RASSF8: variants seen among roughly 807,000 people sequenced by gnomAD.
RASSF8 encodes Ras association domain family member 8.
Under a neutral mutation model 48.5 loss-of-function variants are expected in RASSF8, and 22 were observed. The observed-to-expected ratio is 0.45, with a 90% CI of 0.32 to 0.65. RASSF8 has a LOEUF of 0.65. RASSF8 is among the 30% of genes least tolerant of loss of function. The probability of loss-of-function intolerance (pLI) is 0.03; values close to 1 mark genes in which losing one functional copy is unlikely to be tolerated. For synonymous variants in RASSF8, 127 were observed against 171.5 expected, an observed-to-expected ratio of 0.74 and a Z score of 2.03; for missense variants, 418 against 489.2, an observed-to-expected ratio of 0.85 and a Z score of 1.37.
rs11369240 is a variant in RASSF8 at position 26,015,206 on chromosome 12, CA to C, written c.-109+20091del. Reference sequence around the variant, plus strand: ...TGGGTGACAGAATGAGATCCCGTCTCAAAAAAAAAAAAAAATCCATATATGG... The same window carrying C: ...TGGGTGACAGAATGAGATCCCGTCTCAAAAAAAAAAAAAATCCATATATGG... On this transcript the variant is annotated intron_variant, in intron 2 of 5. Transcript: ENST00000689635. Among the ~76,000 whole-genome samples, 604 of 133,058 alleles carry C rather than the reference CA, an allele frequency of 4.5e-3. 3 individuals are homozygous for C. Among genetic ancestry groups the C allele is most frequent in the African/African-American group, 0.012 (419 of 34,622 alleles). 87.3% of individuals were successfully genotyped at this position (133,058 alleles called of 152,430 possible).
At position 26,012,866 on chromosome 12, in the gene RASSF8, G is replaced by T. The variant is rs1346325674; in HGVS notation, c.-109+17736G>T. On this transcript the variant is annotated intron_variant, in intron 2 of 5. Transcript: ENST00000689635. ...ATTTTTAAATTTTTTTGTAAAGACG[G>T]AGTCTCACTTTGTTGCCCAGGCTGG... Among the ~76,000 whole-genome samples the T allele has an allele frequency of 2.0e-5, 3 of 151,904 alleles. No homozygotes were observed. In the East Asian group the frequency reaches 5.8e-4, roughly 29 times the overall value.
chr12:26,003,288 A>G (rs1312039449), intron 2 of RASSF8, among the ~76,000 whole-genome samples: 1 of 152,238 alleles, frequency 6.6e-6, no homozygotes, highest in Admixed American at 6.5e-5. Flanking sequence ...CCATCCTTGC[A>G]TGCCTGATAT....
intron 2 of RASSF8, among the ~76,000 whole-genome samples, chr12:26,017,385 T>A (rs1325728267): frequency 6.6e-6 from 1 of 152,034 alleles, no homozygotes; most frequent in Non-Finnish European, 1.5e-5. Context: ...GTGAAGAGAC[T>A]CTCAAGAATG....
At chr12:26,002,543 A>G (rs1365342600) in intron 2 of RASSF8, among the ~76,000 whole-genome samples, 1 of 152,188 alleles carries the variant, frequency 6.6e-6, no homozygotes, top group Non-Finnish European at 1.5e-5. Context: ...TGGGAGGCCA[A>G]GGCGGGCAGA....
intron 2 of RASSF8, among the ~76,000 whole-genome samples, chr12:26,042,973 C>T (rs561903388): frequency 6.6e-6 from 1 of 152,248 alleles, no homozygotes; most frequent in African/African-American, 2.4e-5. Flanking sequence ...GACATTTTCT[C>T]ATTAGTATTG....
chr12:25,966,107 CA>C (rs2136835791), intron 1 of RASSF8, among the ~76,000 whole-genome samples: 1 of 152,272 alleles, frequency 6.6e-6, no homozygotes, highest in African/African-American at 2.4e-5. Context: ...AAGAAACTGC[CA>C]AACTGTTTTC....
intron 2 of RASSF8, among the ~76,000 whole-genome samples, chr12:26,016,246 T>G (rs1565619951): frequency 6.6e-6 from 1 of 151,856 alleles, no homozygotes; most frequent in Non-Finnish European, 1.5e-5. Context: ...TTGGTTTTTG[T>G]TTTGCTTCTG....
At position 26,038,234 on chromosome 12, in the gene RASSF8, G is replaced by T. The variant is rs1565630923; in HGVS notation, c.-108-17002G>T. 3.3e-5 allele frequency among the ~76,000 whole-genome samples: 5 copies of T among 152,254 alleles called. No homozygotes were observed. In the South Asian group the frequency reaches 1.0e-3, roughly 32 times the overall value. On this transcript the variant is annotated intron_variant, in intron 2 of 5. Transcript: ENST00000689635. ...TTTGTTTCATGATCACGGTCTCAGA[G>T]AACCTCAGTCCCTTTGGAAATAGAA...
At chr12:26,019,172 G>A (rs763502322) in intron 2 of RASSF8, among the ~76,000 whole-genome samples, 2 of 152,088 alleles carry the variant, frequency 1.3e-5, no homozygotes, top group African/African-American at 2.4e-5. Context: ...ACTCTATTGC[G>A]CTATATTCTT....
At chr12:26,062,112 C>T (rs1039736400) in intron 3 of RASSF8, among the ~76,000 whole-genome samples, 2 of 152,178 alleles carry the variant, frequency 1.3e-5, no homozygotes, top group African/African-American at 4.8e-5. Context: ...TTGGAAAGAA[C>T]TCTACCGGTT....
chr12:26,072,867 G>C lies in RASSF8; in HGVS notation c.*4049G>C. On this transcript the variant is annotated 3_prime_UTR_variant, in exon 6 of 6. Transcript: ENST00000689635. Reference sequence around the variant, plus strand: ...TAATAAATTTTCAGGATTCATTGGGGCATTACAGTTGTCAGTTTGTTTCTT... The same window carrying C: ...TAATAAATTTTCAGGATTCATTGGGCCATTACAGTTGTCAGTTTGTTTCTT... 1 of 895,704 alleles carries C rather than the reference G, an allele frequency of 1.1e-6. No individual in the cohort carries two copies. The allele number at this position is 895,704 out of a possible 1,614,324, so 55.5% of individuals were successfully genotyped here.
chr12:26,068,482 T>C (rs1184506560), intron 5 of RASSF8, among the ~76,000 whole-genome samples: 5 of 152,194 alleles, frequency 3.3e-5, no homozygotes, highest in Non-Finnish European at 5.9e-5. Context: ...TCACCTTTTG[T>C]AAAGATCATT....
intron 1 of RASSF8, among the ~76,000 whole-genome samples, chr12:25,991,377 C>T (rs1942010125): frequency 6.6e-6 from 1 of 151,642 alleles, no homozygotes; most frequent in African/African-American, 2.4e-5. Context: ...CTTATTACTG[C>T]ATAACAAGTT....
chr12:26,069,425 G>A lies in RASSF8; in HGVS notation c.*607G>A, dbSNP rs1591822598. 2 of 985,262 alleles carry A rather than the reference G, an allele frequency of 2.0e-6. No individual in the cohort carries two copies. Among genetic ancestry groups the A allele is most frequent in the African/African-American group, 1.7e-5 (1 of 57,326 alleles). The allele number at this position is 985,262 out of a possible 1,614,324, so 61.0% of individuals were successfully genotyped here. On this transcript the variant is annotated 3_prime_UTR_variant, in exon 6 of 6. Coordinates refer to ENST00000689635, the MANE Select transcript of RASSF8 (RefSeq NM_001394098.1). Reference sequence around the variant, plus strand: ...TGCTTAATTAGGTGAAATAATTCAGGGTTTTTTAAATCTGGAATTTAGTCG... The same window carrying A: ...TGCTTAATTAGGTGAAATAATTCAGAGTTTTTTAAATCTGGAATTTAGTCG...
At chr12:26,037,875 A>G (rs1478967433) in intron 2 of RASSF8, among the ~76,000 whole-genome samples, 3 of 152,192 alleles carry the variant, frequency 2.0e-5, no homozygotes, top group African/African-American at 7.2e-5. Context: ...CTAAAGGAAA[A>G]TTGTGCCCTA....
chr12:26,014,196 C>T (rs1271839310), intron 2 of RASSF8, among the ~76,000 whole-genome samples: 1 of 152,204 alleles, frequency 6.6e-6, no homozygotes, highest in Non-Finnish European at 1.5e-5. Flanking sequence ...TGTGTTTTAA[C>T]TAATAACGTT....
chr12:25,961,066 G>T (rs147276731), intron 1 of RASSF8, among the ~76,000 whole-genome samples: 1 of 152,046 alleles, frequency 6.6e-6, no homozygotes, highest in Non-Finnish European at 1.5e-5. Context: ...TCAGTGTTTG[G>T]CTCTTGTAGG....
chr12:26,062,803 G>C (rs1209852591), intron 3 of RASSF8, among the ~76,000 whole-genome samples: 3 of 152,202 alleles, frequency 2.0e-5, no homozygotes, highest in African/African-American at 4.8e-5. Flanking sequence ...GCTACCACGT[G>C]TTGAATGCCT....
At chr12:26,024,305 G>T (rs939728411) in intron 2 of RASSF8, among the ~76,000 whole-genome samples, 3 of 152,114 alleles carry the variant, frequency 2.0e-5, no homozygotes, top group Admixed American at 6.6e-5. Context: ...CCAGCCTGGA[G>T]TAACATTTCT....
Sources: allele counts gnomAD v4.1 joint callset (sites outside exome capture counted in the v4.1 genomes callset), GRCh38; gene constraint gnomAD v4.1.1; transcripts MANE v1.5; gene names NCBI Gene and HGNC (gene_info 2026-07-23, HGNC 2026-07-21).